MVK: variants seen among roughly 807,000 people sequenced by gnomAD.
MVK encodes the protein mevalonate kinase.
A neutral mutation model predicts 43.2 loss-of-function variants in MVK; 34 were observed. The observed-to-expected ratio is 0.79, with a 90% CI of 0.60 to 1.05. The LOEUF is 1.05. MVK is among the 50% of genes least tolerant of loss of function. The pLI, the probability that MVK is intolerant of heterozygous loss-of-function variation, is 0.00. For missense variants in MVK, 395 were observed against 504.0 expected (o/e 0.78, Z 2.07); for synonymous variants, 190 against 219.8 (o/e 0.86, Z 1.20).
chr12:109,574,726 C>A, intron 1 of MVK, 83 bp from the exon 2 acceptor site: 2 of 1,171,338 alleles, frequency 1.7e-6, no homozygotes, highest in Non-Finnish European at 2.5e-6. Flanking sequence ...TTATGATGGG[C>A]TTGAACTAGG....
intron 3 of MVK, 117 bp downstream of exon 3, chr12:109,576,262 A>AC: frequency 7.8e-7 from 1 of 1,283,254 alleles, no homozygotes; most frequent in Non-Finnish European, 1.1e-6. Context: ...GGTGTTTTCT[A>AC]CCCTGACCTC....
rs187670748 is a variant in MVK, at chr12:109,591,870, G to C, written c.885+513G>C. Among the ~76,000 whole-genome samples the C allele has an allele frequency of 2.9e-3, 437 of 152,300 alleles. 4 individuals are homozygous for C. Among genetic ancestry groups the C allele is most frequent in the African/African-American group, 0.01 (425 of 41,566 alleles). On this transcript the variant is annotated intron_variant, in intron 9 of 10. Coordinates refer to ENST00000228510, the MANE Select transcript of MVK (RefSeq NM_000431.4). ...AATTCTAGTGTAGAGGTTGTGACCT[G>C]GTACTTTGGGTGTGATCAGGCCTGT...
chr12:109,590,914 C>T, intron 8 of MVK, 53 bp downstream of exon 8: 1 of 1,577,388 alleles, frequency 6.3e-7, no homozygotes, highest in African/African-American at 1.3e-5. Flanking sequence ...GACACAATTA[C>T]ATCTGGATTT....
chr12:109,574,943 C>A, intron 2 of MVK, 43 bp downstream of exon 2: 2 of 1,557,946 alleles, frequency 1.3e-6, no homozygotes, highest in Non-Finnish European at 8.7e-7. Context: ...TACCCCTTCT[C>A]CCTGATGCTA....
At chr12:109,573,443 C>A, upstream of MVK, 1 of 1,606,944 alleles carries the variant, frequency 6.2e-7, no homozygotes. Flanking sequence ...AAGACGGCTC[C>A]CCAGGCCAAG....
chr12:109,591,995 G>A (rs1007195060), intron 9 of MVK, among the ~76,000 whole-genome samples: 2 of 152,186 alleles, frequency 1.3e-5, no homozygotes, highest in Non-Finnish European at 2.9e-5. Flanking sequence ...TGTAGTATTA[G>A]CACTTTGGGA....
chr12:109,574,736 G>A (rs935953351), intron 1 of MVK, 73 bp from the exon 2 acceptor site: 3 of 1,226,886 alleles, frequency 2.4e-6, no homozygotes, highest in Non-Finnish European at 3.5e-6. Context: ...CTTGAACTAG[G>A]TGTTCTAAGA....
intron 7 of MVK, chr12:109,590,521 A>T (rs1885619570): frequency 5.5e-6 from 3 of 541,840 alleles, no homozygotes; most frequent in Non-Finnish European, 1.0e-5. Context: ...AGCATGTTGT[A>T]GGTCCCAGTT....
At chr12:109,588,932 CG>C in intron 7 of MVK, 1 of 152,430 alleles carries the variant, frequency 6.6e-6, no homozygotes, top group Non-Finnish European at 1.5e-5. Context: ...GATGGGGGTT[CG>C]GGGGCTGCTG....
At chr12:109,588,300 C>A (rs1483422443) in intron 7 of MVK, 1 of 152,316 alleles carries the variant, frequency 6.6e-6, no homozygotes, top group Non-Finnish European at 1.5e-5. Flanking sequence ...TGGCTGCGAG[C>A]CTGGGGAATC....
chr12:109,589,455 C>T (rs1885580099), intron 7 of MVK: 2 of 152,108 alleles, frequency 1.3e-5, no homozygotes, highest in African/African-American at 2.4e-5. Context: ...CGTGGTGCCT[C>T]TCTGTAAAGA....
In MVK at chr12:109,581,567, C is replaced by T; in HGVS notation, c.527+17C>T. 2 of 1,614,168 alleles carry T rather than the reference C, an allele frequency of 1.2e-6. No homozygotes were observed. Among genetic ancestry groups the T allele is most frequent in the South Asian group, 1.1e-5 (1 of 91,084 alleles). ...CGTCAACAGGTAACCATGGTCCTTA[C>T]CTGGCCAGTGTCCCTCCCGCACGGC... is the stretch of plus-strand genomic sequence containing the variant. On this transcript the variant is annotated intron_variant, in intron 5 of 10. Transcript: ENST00000228510.
chr12:109,575,883 A>C, intron 2 of MVK, 115 bp from the exon 3 acceptor site: 1 of 1,255,106 alleles, frequency 8.0e-7, no homozygotes, highest in Non-Finnish European at 1.1e-6. Flanking sequence ...AGTGTCTGGC[A>C]AGGGCATGGC....
intron 5 of MVK, among the ~76,000 whole-genome samples, chr12:109,583,413 A>T (rs531503699): frequency 1.3e-5 from 2 of 152,064 alleles, no homozygotes; most frequent in Admixed American, 6.5e-5. Context: ...CCATGTCCCT[A>T]CAAAGGACAT....
chr12:109,585,556 G>A (rs1279062699), intron 5 of MVK, among the ~76,000 whole-genome samples: 1 of 152,154 alleles, frequency 6.6e-6, no homozygotes, highest in African/African-American at 2.4e-5. Flanking sequence ...GGAGGCCAAA[G>A]CGGGCGTTCG....
At chr12:109,585,143 G>C (rs531167465) in intron 5 of MVK, among the ~76,000 whole-genome samples, 2 of 152,328 alleles carry the variant, frequency 1.3e-5, no homozygotes, top group South Asian at 4.1e-4. Flanking sequence ...GTGAGGCCAC[G>C]TGCTTGGGAG....
chr12:109,595,455 G>A lies in MVK; in HGVS notation c.1039+274G>A, dbSNP rs560048749. Among the ~76,000 whole-genome samples the A allele has an allele frequency of 2.0e-5, 3 of 152,222 alleles. No individual in the cohort carries two copies. The highest frequency in any genetic ancestry group is 4.4e-5 in the Non-Finnish European group (3 of 68,008). ...GGCTGTGGCTGGGGCTCCTGTCATC[G>A]GGGCTGTCCGCACAAGCTTGGGAAG... On this transcript the variant is annotated intron_variant, in intron 10 of 10. Coordinates refer to ENST00000228510, the MANE Select transcript of MVK (RefSeq NM_000431.4). This position sits in a 1 kb window ranked among gnomAD's most constrained non-coding sequence, Gnocchi z 5.9.
chr12:109,579,000 A>G (rs1488073536), intron 3 of MVK, among the ~76,000 whole-genome samples: 2 of 152,158 alleles, frequency 1.3e-5, no homozygotes, highest in African/African-American at 4.8e-5. Context: ...GGAGGAGGGA[A>G]ATATTTTGGG....
Position 109,586,047 on chromosome 12 carries a change from A to G in MVK, c.553A>G (p.Ile185Val). 1 of 1,614,212 alleles carries G rather than the reference A, an allele frequency of 6.2e-7. No individual in the cohort carries two copies. The highest frequency in any genetic ancestry group is 2.2e-5 in the East Asian group (1 of 44,890). Residue 185 changes from isoleucine (I) to valine (V), a missense_variant, in exon 6 of 11, where the codon ATT becomes GTT. Ile to Val is a conservative substitution (Grantham distance 29). Transcript: ENST00000228510. ...NRWTKEDLEL[I>V]NKWAFQGERM... Reference sequence around the variant, plus strand: ...GTGGACCAAGGAGGATTTGGAGCTAATTAACAAGTGGGCCTTCCAAGGGGA... The same window carrying G: ...GTGGACCAAGGAGGATTTGGAGCTAGTTAACAAGTGGGCCTTCCAAGGGGA...
Sources: gnomAD v4.1 joint callset for allele counts (sites outside exome capture counted in the v4.1 genomes callset) on GRCh38, gnomAD v4.1.1 for gene constraint, Gnocchi (gnomAD v3.1) non-coding constraint, MANE v1.5 for transcripts, NCBI Gene and HGNC (gene_info 2026-07-23, HGNC 2026-07-21) for gene names.